The following DPP6 variants were observed in gnomAD, a reference collection of about 807,000 sequenced individuals.
DPP6 encodes the protein dipeptidyl peptidase like 6, also known as A-type potassium channel modulatory protein DPP6.
A neutral mutation model predicts 122.6 loss-of-function variants in DPP6; 69 were observed. The observed-to-expected ratio is 0.56, with a 90% CI of 0.46 to 0.69. The LOEUF (loss-of-function observed/expected upper bound fraction) is 0.69, where lower values mean the gene tolerates loss of function less well. Ranked by LOEUF, DPP6 falls within the 30% of genes least tolerant of loss-of-function variation. The pLI is 0.00. For missense variants in DPP6, 928 were observed against 1,116.9 expected, an observed-to-expected ratio of 0.83 and a Z score of 2.41; for synonymous variants, 418 against 433.1, an observed-to-expected ratio of 0.97 and a Z score of 0.43.
rs1328107735 is a variant in DPP6, at chr7:154,601,221, T to C, written c.627+34305T>C. ...CACTTGGATGACCTGTTGTAAAGTA[T>C]GTCAATTAGGTCAAATTAGTTGATA... On this transcript the variant is annotated intron_variant, in intron 5 of 25. Coordinates refer to ENST00000377770, the MANE Select transcript of DPP6 (RefSeq NM_130797.4). Among the ~76,000 whole-genome samples, 2 of 121,840 alleles carry C rather than the reference T, an allele frequency of 1.6e-5. 1 individual carries two copies. Among genetic ancestry groups the C allele is most frequent in the Non-Finnish European group, 3.7e-5 (2 of 53,918 alleles). The allele number at this position is 121,840 out of a possible 152,430, so 79.9% of individuals were successfully genotyped here.
chr7:154,208,869 A>G (rs867040292), intron 1 of DPP6, among the ~76,000 whole-genome samples: 6 of 152,208 alleles, frequency 3.9e-5, no homozygotes, highest in Non-Finnish European at 7.3e-5. Flanking sequence ...AATTTAGAAC[A>G]TATTAAATAT....
chr7:154,713,539 T>A (rs1841317755), intron 7 of DPP6, among the ~76,000 whole-genome samples: 1 of 152,254 alleles, frequency 6.6e-6, no homozygotes, highest in Non-Finnish European at 1.5e-5. Context: ...TTGACTTCTA[T>A]GCACCTGCAG....
intron 8 of DPP6, among the ~76,000 whole-genome samples, chr7:154,729,859 C>T (rs1419283235): frequency 6.6e-6 from 1 of 152,200 alleles, no homozygotes; most frequent in Non-Finnish European, 1.5e-5. Flanking sequence ...TCCTTGGCTA[C>T]ACCTGAAAAA....
intron 1 of DPP6, among the ~76,000 whole-genome samples, chr7:154,350,426 A>G (rs1410068223): frequency 1.3e-5 from 2 of 152,176 alleles, no homozygotes; most frequent in Non-Finnish European, 2.9e-5. Context: ...CCCAGCCTTC[A>G]TGGAGCTTGT....
At chr7:154,072,927 C>G (rs779374981) in intron 1 of DPP6, among the ~76,000 whole-genome samples, 6 of 152,208 alleles carry the variant, frequency 3.9e-5, no homozygotes, top group Non-Finnish European at 7.4e-5. Flanking sequence ...CAGAGAGAGC[C>G]GGGGGACCCA....
chr7:154,499,807 G>A (rs778849239), intron 3 of DPP6, among the ~76,000 whole-genome samples: 2 of 152,092 alleles, frequency 1.3e-5, no homozygotes, highest in Non-Finnish European at 2.9e-5. Context: ...CAGTATGTGT[G>A]TGGGGGTCCT....
At chr7:154,469,102 T>C (rs1336547757) in intron 2 of DPP6, among the ~76,000 whole-genome samples, 3 of 152,170 alleles carry the variant, frequency 2.0e-5, no homozygotes, top group Non-Finnish European at 2.9e-5. Context: ...AAGGAAAATA[T>C]CAAGCTAGTA....
chr7:154,793,803 C>G (rs1300530455), intron 10 of DPP6: 1 of 349,610 alleles, frequency 2.9e-6, no homozygotes, highest in Non-Finnish European at 5.2e-6. Flanking sequence ...GCAGCCCCCA[C>G]ACCCCTCACC....
At chr7:154,451,057 C>T (rs1031943862) in intron 2 of DPP6, among the ~76,000 whole-genome samples, 20 of 152,030 alleles carry the variant, frequency 1.3e-4, no homozygotes, top group African/African-American at 9.7e-5. Context: ...AGGGCTGTCA[C>T]GAGTGTCACT....
At chr7:154,684,323 C>T (rs1474024464) in intron 7 of DPP6, among the ~76,000 whole-genome samples, 1 of 152,108 alleles carries the variant, frequency 6.6e-6, no homozygotes, top group African/African-American at 2.4e-5. Context: ...TTGTTATTCT[C>T]CCCCAGCCAA....
intron 1 of DPP6, among the ~76,000 whole-genome samples, chr7:154,334,198 A>AG (rs893874710): frequency 6.6e-6 from 1 of 152,256 alleles, no homozygotes. Flanking sequence ...GAAAAAAAAA[A>AG]AAAAACCTTT....
At chr7:154,350,061 T>C (rs1043142451) in intron 1 of DPP6, among the ~76,000 whole-genome samples, 3 of 152,118 alleles carry the variant, frequency 2.0e-5, no homozygotes, top group Non-Finnish European at 4.4e-5. Flanking sequence ...AAGTAAAATA[T>C]CAGTCAGACA....
chr7:154,236,776 A>G (rs541057796), intron 1 of DPP6, among the ~76,000 whole-genome samples: 39 of 152,282 alleles, frequency 2.6e-4, no homozygotes, highest in African/African-American at 8.9e-4. Context: ...TACATCCCTA[A>G]TAACTTTGCT....
intron 1 of DPP6, among the ~76,000 whole-genome samples, chr7:153,949,474 G>A (rs1309622924): frequency 6.6e-6 from 1 of 152,136 alleles, no homozygotes; most frequent in Non-Finnish European, 1.5e-5. Flanking sequence ...TGATGATTCC[G>A]AGATCCCTCT....
chr7:154,763,730 G>T (rs1383319299), intron 8 of DPP6, among the ~76,000 whole-genome samples: 6 of 152,198 alleles, frequency 3.9e-5, no homozygotes, highest in Non-Finnish European at 5.9e-5. Context: ...TTTCCCCAGA[G>T]AACCCTAAAG....
rs551585453 is a variant in DPP6 at position 154,389,799 on chromosome 7, T to C, written c.244-56415T>C. Reference sequence around the variant, plus strand: ...AAACTCACACGATAACTTTCATACATAGCAATTGAATTATTCCTAAAAGGA... The same window carrying C: ...AAACTCACACGATAACTTTCATACACAGCAATTGAATTATTCCTAAAAGGA... On this transcript the variant is annotated intron_variant, in intron 1 of 25. Coordinates refer to ENST00000377770, the MANE Select transcript of DPP6 (RefSeq NM_130797.4). Among the ~76,000 whole-genome samples the C allele has an allele frequency of 2.0e-5, 3 of 152,336 alleles. No homozygotes were observed. The South Asian group carries it at 6.2e-4, about 32-fold the overall frequency.
intron 1 of DPP6, among the ~76,000 whole-genome samples, chr7:153,927,769 T>G (rs1158812927): frequency 6.6e-6 from 1 of 152,184 alleles, no homozygotes; most frequent in East Asian, 1.9e-4. Context: ...CCATGGATCT[T>G]CTGGATAGCT....
chr7:153,836,802 C>G, the DPP6 span, among the ~76,000 whole-genome samples: 1 of 152,110 alleles, frequency 6.6e-6, no homozygotes, highest in Non-Finnish European at 1.5e-5. Context: ...TATATTAAAC[C>G]AGGTCATGAA....
At chr7:154,525,802 G>A (rs1355443387) in intron 3 of DPP6, among the ~76,000 whole-genome samples, 1 of 149,108 alleles carries the variant, frequency 6.7e-6, no homozygotes, top group African/African-American at 2.5e-5. Context: ...TCTCTTTTTG[G>A]AAACACCTAC....
Sources: gnomAD v4.1 joint callset for allele counts (sites outside exome capture counted in the v4.1 genomes callset) on GRCh38, gnomAD v4.1.1 for gene constraint, MANE v1.5 for transcripts, NCBI Gene and HGNC (gene_info 2026-07-23, HGNC 2026-07-21) for gene names.